The following KDM5A variants were observed in gnomAD, a reference collection of about 807,000 sequenced individuals.
KDM5A encodes the protein lysine demethylase 5A, also known as lysine-specific demethylase 5A.
Under a neutral mutation model 193.5 loss-of-function variants are expected in KDM5A, and 42 were observed. The observed-to-expected ratio is 0.22, with a 90% confidence interval of 0.17 to 0.28. KDM5A has a LOEUF of 0.28. Among genes scored for constraint, KDM5A ranks in the 10% least tolerant of loss-of-function variants. The probability of loss-of-function intolerance (pLI) is 1.00; values close to 1 mark genes in which losing one functional copy is unlikely to be tolerated. For synonymous variants in KDM5A, 796 were observed against 718.1 expected (o/e 1.11, Z -1.73); for missense variants, 1,692 against 2,055.1 (o/e 0.82, Z 3.42).
rs1353483817 is a variant in KDM5A, at chr12:333,495, C to T, written c.1645G>A (p.Gly549Ser). 1 of 1,614,046 alleles carries T rather than the reference C, an allele frequency of 6.2e-7. No homozygotes were observed. ...IMNPNVLMEH[G>S]VPVYRTNQCA... ...GACACCAAAAGACTCACAGGCACAC[C>T]ATGCTCCATTAGCACGTTGGGGTTC... is the stretch of plus-strand genomic sequence containing the variant. Residue 549 changes from glycine (G) to serine (S), a missense_variant, in exon 12 of 28, where the codon GGT becomes AGT. Transcript: ENST00000399788.
At chr12:308,467 A>G (rs7315852) in intron 22 of KDM5A, among the ~76,000 whole-genome samples, 63,412 of 152,018 alleles carry the variant, frequency 0.42, 15,570 homozygotes, top group African/African-American at 0.68. Context: ...GTTTCCTATC[A>G]CCTCGTAATT....
At chr12:322,245 A>C in intron 17 of KDM5A, 172 bp downstream of exon 17, 1 of 637,478 alleles carries the variant, frequency 1.6e-6, no homozygotes, top group East Asian at 2.7e-5. Context: ...AGGCTGGAGC[A>C]AGAAAGAAGG....
chr12:307,906 C>G lies in KDM5A; in HGVS notation c.3478G>C (p.Glu1160Gln), dbSNP rs752589962. 12 of 1,614,134 alleles carry G rather than the reference C, an allele frequency of 7.4e-6. No homozygotes were observed. The highest frequency in any genetic ancestry group is 6.8e-6 in the Non-Finnish European group (8 of 1,180,030). The change falls in exon 23 of 28, where the codon GAA becomes CAA. Residue 1160 changes from glutamate to glutamine, a missense_variant. This residue lies in a region of KDM5A where 965 missense variants were observed against 1,061.0 expected (regional missense o/e 0.91). Transcript: ENST00000399788. This position sits in a 1 kb window ranked among gnomAD's most constrained non-coding sequence, Gnocchi z 4.3. ...TTGCGGCAAATGCAAAATTTTACTT[C>G]TTCTATGCGGTCCACCATTGTCATC... ...AKMTMVDRIEEVKFCICRKTA... is the reference protein window; with the variant it reads ...AKMTMVDRIEQVKFCICRKTA...
intron 3 of KDM5A, among the ~76,000 whole-genome samples, chr12:371,660 T>A (rs1226672739): frequency 6.6e-6 from 1 of 152,214 alleles, no homozygotes; most frequent in Admixed American, 6.5e-5. Flanking sequence ...TTTTGGTGTT[T>A]TAGACATGAA....
rs541812095 is a variant in KDM5A, at chr12:284,610, C to T, written c.*846G>A. 1.0e-4 allele frequency: 24 copies of T among 232,628 alleles called. No homozygotes were observed. The South Asian group carries it at 2.0e-3, about 19-fold the overall frequency. The allele number at this position is 232,628 out of a possible 1,614,324, so 14.4% of individuals were successfully genotyped here. On this transcript the variant is annotated 3_prime_UTR_variant, in exon 28 of 28. Transcript: ENST00000399788. ...ATCACTGTGGCTCAGTAAGATAGTA[C>T]GACTGGTCATCATCGTCATCTTCTT...
rs570803747 is a variant in KDM5A, at chr12:311,370, G to A, written c.3037-306C>T. Among the ~76,000 whole-genome samples the A allele has an allele frequency of 4.6e-5, 7 of 152,262 alleles. No individual in the cohort carries two copies. In the East Asian group the frequency reaches 5.8e-4, roughly 13 times the overall value. On this transcript the variant is annotated intron_variant, in intron 20 of 27. Transcript: ENST00000399788. Reference sequence around the variant, plus strand: ...TATAAACACAGTTAGCAGGCCAGGCGTGGTGGCTCACACCTGTAATCTCAG... The same window carrying A: ...TATAAACACAGTTAGCAGGCCAGGCATGGTGGCTCACACCTGTAATCTCAG...
At chr12:362,926 T>C (rs368168373) in intron 5 of KDM5A, 37 bp downstream of exon 5, 2 of 1,603,972 alleles carry the variant, frequency 1.2e-6, no homozygotes, top group Non-Finnish European at 8.5e-7. Context: ...GACTACATCT[T>C]TATTTAAAAA....
intron 20 of KDM5A, among the ~76,000 whole-genome samples, chr12:312,054 C>T (rs1230085510): frequency 6.6e-6 from 1 of 152,090 alleles, no homozygotes; most frequent in African/African-American, 2.4e-5. Flanking sequence ...AACTTGACAC[C>T]CAGAATACGT....
At chr12:361,605 T>G (rs1944295906) in intron 5 of KDM5A, among the ~76,000 whole-genome samples, 1 of 152,174 alleles carries the variant, frequency 6.6e-6, no homozygotes, top group Non-Finnish European at 1.5e-5. Context: ...ATTGGTTAGA[T>G]GGACAGGAGC....
At chr12:350,458 T>G (rs1199208196) in intron 10 of KDM5A, among the ~76,000 whole-genome samples, 163 bp downstream of exon 10, 1 of 151,576 alleles carries the variant, frequency 6.6e-6, no homozygotes, top group Non-Finnish European at 1.5e-5. Flanking sequence ...AGTTAAATAA[T>G]TTTTCAAAGT....
chr12:362,816 C>A, intron 5 of KDM5A, 147 bp downstream of exon 5: 2 of 696,880 alleles, frequency 2.9e-6, no homozygotes, highest in South Asian at 3.5e-5. Context: ...GGCCCATGAG[C>A]CAGGCACAGC....
chr12:378,662 A>G (rs1488321389), intron 3 of KDM5A, among the ~76,000 whole-genome samples: 1 of 152,216 alleles, frequency 6.6e-6, no homozygotes, highest in Non-Finnish European at 1.5e-5. Context: ...GTGGTTATAA[A>G]AACTGTAATT....
intron 6 of KDM5A, among the ~76,000 whole-genome samples, chr12:355,860 T>C (rs911782414): frequency 1.3e-5 from 2 of 152,188 alleles, no homozygotes; most frequent in South Asian, 4.1e-4. Context: ...GCCTAATCTT[T>C]GTTAAACAGT....
chr12:328,662 G>A (rs571630373), intron 14 of KDM5A, among the ~76,000 whole-genome samples, 173 bp downstream of exon 14: 1 of 152,138 alleles, frequency 6.6e-6, no homozygotes, highest in Non-Finnish European at 1.5e-5. Flanking sequence ...TTCCTAAAAC[G>A]TTTTTAATCT....
chr12:363,572 T>C (rs1944317787), intron 4 of KDM5A, among the ~76,000 whole-genome samples: 1 of 152,068 alleles, frequency 6.6e-6, no homozygotes, highest in African/African-American at 2.4e-5. Context: ...ATATACCCCC[T>C]TCCCCACCAA....
chr12:345,359 A>G (rs1215415977), intron 10 of KDM5A, among the ~76,000 whole-genome samples: 3 of 152,198 alleles, frequency 2.0e-5, no homozygotes, highest in African/African-American at 7.2e-5. Flanking sequence ...AGATAGATCA[A>G]TGAGACACAG....
intron 24 of KDM5A, among the ~76,000 whole-genome samples, chr12:305,636 T>C (rs145568936): frequency 2.1e-4 from 32 of 152,282 alleles, no homozygotes; most frequent in African/African-American, 7.5e-4. Context: ...ATAAAACAAG[T>C]CAATGGATTG....
chr12:304,820 G>A (rs1442568403), intron 24 of KDM5A, among the ~76,000 whole-genome samples: 7 of 152,118 alleles, frequency 4.6e-5, no homozygotes, highest in Non-Finnish European at 1.5e-5. Context: ...ATCATGTTAA[G>A]CAATTCTAGA....
chr12:335,670 G>A (rs934762480), intron 10 of KDM5A, among the ~76,000 whole-genome samples: 5 of 152,150 alleles, frequency 3.3e-5, no homozygotes, highest in African/African-American at 9.7e-5. Context: ...GAGAATTTGT[G>A]AACTAGAAGA....
Sources: allele counts gnomAD v4.1 joint callset (sites outside exome capture counted in the v4.1 genomes callset), GRCh38; gene constraint gnomAD v4.1.1; regional missense constraint gnomAD v4.1.1; non-coding constraint Gnocchi (gnomAD v3.1); transcripts MANE v1.5; gene names NCBI Gene and HGNC (gene_info 2026-07-23, HGNC 2026-07-21).